Variants in ABTB2 observed in about 807,000 individuals in gnomAD.
The protein encoded by ABTB2 is ankyrin repeat and BTB/POZ domain-containing protein 2.
Under a neutral mutation model 104.1 loss-of-function variants are expected in ABTB2, and 56 were observed. That is an observed-to-expected ratio of 0.54 (90% CI 0.43 to 0.67). ABTB2 has a LOEUF of 0.67. ABTB2 is among the 30% of genes least tolerant of loss of function. The pLI is 0.00. For synonymous variants in ABTB2, 606 were observed against 608.2 expected, an observed-to-expected ratio of 1.00 and a Z score of 0.05; for missense variants, 1,279 against 1,407.7, an observed-to-expected ratio of 0.91 and a Z score of 1.46.
chr11:34,176,622 A>T (rs1422192332), intron 3 of ABTB2, among the ~76,000 whole-genome samples: 1 of 152,228 alleles, frequency 6.6e-6, no homozygotes, highest in Non-Finnish European at 1.5e-5. Flanking sequence ...AGCCTGGGAG[A>T]CAAAGAGAGA....
At chr11:34,236,288 A>T (rs1423482348) in intron 1 of ABTB2, among the ~76,000 whole-genome samples, 1 of 152,174 alleles carries the variant, frequency 6.6e-6, no homozygotes, top group African/African-American at 2.4e-5. Context: ...ATAGCTGAGA[A>T]AATATGGAAA....
intron 3 of ABTB2, among the ~76,000 whole-genome samples, chr11:34,191,491 A>G (rs1216172259): frequency 6.6e-6 from 1 of 152,202 alleles, no homozygotes; most frequent in East Asian, 1.9e-4. Context: ...AAAGAGCTCT[A>G]TGTGAGTTGG....
rs117552136 is a variant in ABTB2, at chr11:34,259,930, G to A, written c.884-55240C>T. On this transcript the variant is annotated intron_variant, in intron 1 of 16. Transcript: ENST00000435224. ...AGCAATCCTCCTACCTTAGCCTCCCGAGGAGCTGAGATCACAGGTGCACAC... is the reference window on the plus strand; with the variant it reads ...AGCAATCCTCCTACCTTAGCCTCCCAAGGAGCTGAGATCACAGGTGCACAC... Among the ~76,000 whole-genome samples the A allele has an allele frequency of 1.5e-3, 223 of 152,094 alleles. 4 individuals are homozygous for A. In the East Asian group the frequency reaches 0.022, roughly 15 times the overall value.
At chr11:34,195,076 G>GT (rs1554982307) in intron 3 of ABTB2, among the ~76,000 whole-genome samples, 1 of 37,458 alleles carries the variant, frequency 2.7e-5, no homozygotes, top group Admixed American at 2.0e-4. Flanking sequence ...GATGCCCGGC[G>GT]GGGGGGGGGA....
At chr11:34,167,767 T>C (rs1236824102) in intron 6 of ABTB2, 136 bp downstream of exon 6, 1 of 924,946 alleles carries the variant, frequency 1.1e-6, no homozygotes. Flanking sequence ...GTGGCCTCTG[T>C]GCATCTTGTC....
chr11:34,357,730 C>T lies in ABTB2; in HGVS notation c.-147G>A. The stretch of plus-strand genomic sequence containing the variant: ...CGGGGCTCGGCGGCCGCATTGCCTG[C>T]CCGGAGGCCGCGGGAAGGTGGCCGA... On this transcript the variant is annotated 5_prime_UTR_variant, in exon 1 of 17. Coordinates refer to ENST00000435224, the MANE Select transcript of ABTB2 (RefSeq NM_145804.3). 3 of 914,674 alleles carry T rather than the reference C, an allele frequency of 3.3e-6. No homozygotes were observed. The South Asian group carries it at 7.2e-5, about 22-fold the overall frequency. 56.7% of individuals were successfully genotyped at this position (914,674 alleles called of 1,614,324 possible).
intron 11 of ABTB2, among the ~76,000 whole-genome samples, chr11:34,160,698 G>GGC (rs1330084189): frequency 1.9e-5 from 2 of 106,476 alleles, no homozygotes; most frequent in African/African-American, 7.0e-5. Flanking sequence ...TGTTGAGTGG[G>GGC]GGGGGGGGCC....
intron 3 of ABTB2, among the ~76,000 whole-genome samples, chr11:34,184,980 C>A (rs1469580157): frequency 6.6e-6 from 1 of 152,258 alleles, no homozygotes; most frequent in Non-Finnish European, 1.5e-5. Context: ...CCATTGGCCT[C>A]TGCCAAGAAG....
At chr11:34,320,910 C>T (rs1268593476) in intron 1 of ABTB2, among the ~76,000 whole-genome samples, 3 of 152,202 alleles carry the variant, frequency 2.0e-5, no homozygotes, top group African/African-American at 7.2e-5. Context: ...TGGCCAAGTG[C>T]GGTGGCTCAC....
rs12282782 is a variant in ABTB2, at chr11:34,161,933, C to T, written c.2218+643G>A. On this transcript the variant is annotated intron_variant, in intron 10 of 16. Coordinates refer to ENST00000435224, the MANE Select transcript of ABTB2 (RefSeq NM_145804.3). ...GACTCACTGCTGTCTTGGCCCGGCC[C>T]TGGGGGTTTGTGGCCTTGTGATGAC... Among the ~76,000 whole-genome samples, 1,210 of 152,278 alleles carry T rather than the reference C, an allele frequency of 7.9e-3. 21 individuals are homozygous for T. Among genetic ancestry groups the T allele is most frequent in the African/African-American group, 0.027 (1,116 of 41,542 alleles).
At chr11:34,267,139 C>T (rs1404765518) in intron 1 of ABTB2, among the ~76,000 whole-genome samples, 3 of 152,160 alleles carry the variant, frequency 2.0e-5, no homozygotes, top group African/African-American at 4.8e-5. Context: ...CAGACGTGCA[C>T]GTCGGATGCT....
At chr11:34,193,962 C>T (rs543276280) in intron 3 of ABTB2, among the ~76,000 whole-genome samples, 149 of 152,332 alleles carry the variant, frequency 9.8e-4, no homozygotes, top group African/African-American at 3.4e-3. Flanking sequence ...AGGCCCCTTA[C>T]GGAAAGATGT....
intron 10 of ABTB2, among the ~76,000 whole-genome samples, chr11:34,161,429 A>G (rs1376359388): frequency 6.6e-6 from 1 of 152,196 alleles, no homozygotes; most frequent in African/African-American, 2.4e-5. Flanking sequence ...CCAGCACCCA[A>G]AGTAGCCTTG....
intron 1 of ABTB2, among the ~76,000 whole-genome samples, chr11:34,312,119 C>T (rs564019908): frequency 6.5e-4 from 92 of 140,788 alleles, no homozygotes; most frequent in African/African-American, 2.2e-3. Context: ...CCAGCCTGGG[C>T]GACAGAGCAA....
intron 1 of ABTB2, among the ~76,000 whole-genome samples, chr11:34,274,814 G>A (rs962776520): frequency 2.6e-5 from 4 of 152,078 alleles, no homozygotes; most frequent in East Asian, 3.8e-4. Flanking sequence ...GCAGTATTGC[G>A]CAAACGTGCC....
rs572941765 is a variant in ABTB2 at position 34,265,897 on chromosome 11, A to G, written c.884-61207T>C. ...GGCAGGAGAATCGCTTGAACCCTGG[A>G]GGCAGAGGTTGCAGTGAGCCAAGAT... On this transcript the variant is annotated intron_variant, in intron 1 of 16. Coordinates refer to ENST00000435224, the MANE Select transcript of ABTB2 (RefSeq NM_145804.3). Among the ~76,000 whole-genome samples, 135 of 152,152 alleles carry G rather than the reference A, an allele frequency of 8.9e-4. 1 individual carries two copies. Among genetic ancestry groups the G allele is most frequent in the African/African-American group, 3.2e-3 (131 of 41,516 alleles).
At chr11:34,225,716 T>C (rs538187493) in intron 1 of ABTB2, among the ~76,000 whole-genome samples, 3 of 151,904 alleles carry the variant, frequency 2.0e-5, no homozygotes, top group African/African-American at 7.2e-5. Flanking sequence ...GATCGCGCCA[T>C]TGCACTCTAG....
chr11:34,287,040 A>G (rs1425747327), intron 1 of ABTB2, among the ~76,000 whole-genome samples: 1 of 152,080 alleles, frequency 6.6e-6, no homozygotes, highest in Non-Finnish European at 1.5e-5. Context: ...AAATGAATAC[A>G]TGTGTTAACT....
intron 1 of ABTB2, among the ~76,000 whole-genome samples, chr11:34,354,153 G>C (rs1855433689): frequency 6.6e-6 from 1 of 152,170 alleles, no homozygotes; most frequent in South Asian, 2.1e-4. Context: ...GAAGTGAATG[G>C]TCACCTCGCC....
Sources: gnomAD v4.1 joint callset for allele counts (sites outside exome capture counted in the v4.1 genomes callset) on GRCh38, gnomAD v4.1.1 for gene constraint, MANE v1.5 for transcripts, NCBI Gene and HGNC (gene_info 2026-07-23, HGNC 2026-07-21) for gene names.